Variants in P4HA1 observed in about 807,000 individuals in gnomAD.
The protein encoded by P4HA1 is prolyl 4-hydroxylase subunit alpha 1.
In P4HA1, 24 loss-of-function variants were observed where a neutral mutation model predicts 72.8. The ratio of observed to expected loss-of-function variants is 0.33; its 90% CI spans 0.24 to 0.46. The LOEUF (loss-of-function observed/expected upper bound fraction) is 0.46, where lower values mean the gene tolerates loss of function less well. Ranked by LOEUF, P4HA1 falls within the 20% of genes least tolerant of loss-of-function variation. The pLI, the probability that P4HA1 is intolerant of heterozygous loss-of-function variation, is 1.00. For missense variants in P4HA1, 446 were observed against 640.6 expected (o/e 0.70, Z 3.28); for synonymous variants, 201 against 218.8 (o/e 0.92, Z 0.72).
intron 9 of P4HA1, among the ~76,000 whole-genome samples, chr10:73,030,743 G>A (rs1840415176): frequency 6.6e-6 from 1 of 152,144 alleles, no homozygotes; most frequent in Non-Finnish European, 1.5e-5. Context: ...AACTGACTAT[G>A]GTGGAAGTCA....
intron 9 of P4HA1, chr10:73,044,088 C>A: frequency 2.0e-6 from 1 of 509,888 alleles, no homozygotes; most frequent in Non-Finnish European, 3.6e-6. Context: ...GTAATGGTCT[C>A]GAATCCACAA....
In P4HA1 at chr10:73,053,338, C is replaced by A. The variant is rs771181284; in HGVS notation, c.703+13G>T. 1 of 1,612,638 alleles carries A rather than the reference C, an allele frequency of 6.2e-7. No individual in the cohort carries two copies. Among genetic ancestry groups the A allele is most frequent in the South Asian group, 1.1e-5 (1 of 90,952 alleles). On this transcript the variant is annotated intron_variant, in intron 6 of 14. Transcript: ENST00000394890. ...ATATAACTATAACCTTAAATTAGGC[C>A]CAGATAACATACCTAGTTCAAGAAG...
At chr10:73,031,643 G>C (rs1840436153) in intron 9 of P4HA1, among the ~76,000 whole-genome samples, 1 of 152,062 alleles carries the variant, frequency 6.6e-6, no homozygotes, top group South Asian at 2.1e-4. Flanking sequence ...ATGGGGATGG[G>C]GCTGGGGGGA....
intron 1 of P4HA1, among the ~76,000 whole-genome samples, chr10:73,087,871 C>T (rs930357536): frequency 1.3e-5 from 2 of 152,058 alleles, no homozygotes; most frequent in Non-Finnish European, 2.9e-5. Flanking sequence ...TCTTTTTATT[C>T]TCTCAACAGT....
At position 73,068,836 on chromosome 10, in the gene P4HA1, A is replaced by T; in HGVS notation, c.463+10T>A. Reference sequence around the variant, plus strand: ...GATAGGTATTTTATAGAATGGAAGAATGATCTTACCTGGAAGATTACCCTT... The same window carrying T: ...GATAGGTATTTTATAGAATGGAAGATTGATCTTACCTGGAAGATTACCCTT... On this transcript the variant is annotated intron_variant, in intron 5 of 14. Transcript: ENST00000394890. 1 of 1,608,798 alleles carries T rather than the reference A, an allele frequency of 6.2e-7. No individual in the cohort carries two copies. The highest frequency in any genetic ancestry group is 8.5e-7 in the Non-Finnish European group (1 of 1,175,428).
rs748520833 is a variant in P4HA1 at position 73,068,901 on chromosome 10, A to G, written c.408T>C (p.Arg136=). Residue 136 remains arginine, a synonymous_variant, in exon 5 of 15, where the codon CGT becomes CGC. Transcript: ENST00000394890. ...DQVGAAKALL[R]LQDTYNLDTD... ...TATCCAAATTGTAGGTATCCTGGAG[A>G]CGTAACAGAGCTTTGGCTGCCCCAA... The G allele has an allele frequency of 6.2e-7, 1 of 1,612,124 alleles. No homozygotes were observed.
chr10:73,070,094 G>A (rs144131906), intron 4 of P4HA1, among the ~76,000 whole-genome samples: 4 of 143,456 alleles, frequency 2.8e-5, no homozygotes, highest in African/African-American at 1.0e-4. Flanking sequence ...ACAGGCATGA[G>A]CAACTGTGTC....
chr10:73,064,876 G>A (rs547028900), intron 5 of P4HA1, among the ~76,000 whole-genome samples: 9 of 151,480 alleles, frequency 5.9e-5, no homozygotes, highest in Admixed American at 4.6e-4. Flanking sequence ...TGGTTCATCC[G>A]TTAAACTGAG....
chr10:73,013,938 CATATT>C (rs1363566367), intron 12 of P4HA1, among the ~76,000 whole-genome samples: 11 of 151,988 alleles, frequency 7.2e-5, no homozygotes, highest in Non-Finnish European at 1.5e-4. Flanking sequence ...TTTATATACA[CATATT>C]ATATATTACT....
intron 5 of P4HA1, among the ~76,000 whole-genome samples, chr10:73,058,774 C>CT (rs151028824): frequency 0.018 from 2,283 of 123,760 alleles, 59 homozygotes; most frequent in African/African-American, 0.036. Context: ...TTATAGTATG[C>CT]TTTTTTTTTT....
intron 10 of P4HA1, among the ~76,000 whole-genome samples, chr10:73,025,038 G>T (rs529366959): frequency 6.6e-6 from 1 of 152,286 alleles, no homozygotes; most frequent in East Asian, 1.9e-4. Context: ...ATTCACAGCC[G>T]AATTCTATCA....
intron 5 of P4HA1, among the ~76,000 whole-genome samples, chr10:73,065,851 G>A (rs1158871445): frequency 6.6e-6 from 1 of 151,982 alleles, no homozygotes; most frequent in Non-Finnish European, 1.5e-5. Context: ...ATCCACAGAA[G>A]AATGAATAAA....
chr10:73,070,142 CTTTTTTTT>C (rs71021546), intron 4 of P4HA1, among the ~76,000 whole-genome samples: 8,120 of 65,072 alleles, frequency 0.12, 828 homozygotes, highest in East Asian at 0.42. Flanking sequence ...GAGACCAGGC[CTTTTTTTT>C]TTTTTTTTTT....
At chr10:73,054,466 C>T (rs1210155663) in intron 5 of P4HA1, among the ~76,000 whole-genome samples, 1 of 152,158 alleles carries the variant, frequency 6.6e-6, no homozygotes, top group African/African-American at 2.4e-5. Context: ...CAGTCACTAC[C>T]CATTAACTTC....
chr10:73,080,340 C>G (rs909356177), intron 1 of P4HA1, among the ~76,000 whole-genome samples: 2 of 152,202 alleles, frequency 1.3e-5, no homozygotes, highest in African/African-American at 2.4e-5. Flanking sequence ...ACCTAAAGGT[C>G]TGAAAAGTCG....
Position 73,030,315 on chromosome 10 carries a change from G to T in P4HA1, c.1204C>A (p.Gln402Lys). The change falls in exon 10 of 15, where the codon CAA (glutamine) becomes AAA (lysine). Residue 402 changes from glutamine (Q) to lysine (K), a missense_variant. Physicochemically the swap from Gln to Lys is moderately conservative, Grantham distance 53. Transcript: ENST00000394890. Reference sequence around the variant, plus strand: ...GAAACATCTAGTCCTGTTAGATCTTGTATTCTCATATTAATTCGAGACACC... The same window carrying T: ...GAAACATCTAGTCCTGTTAGATCTTTTATTCTCATATTAATTCGAGACACC... ...PVVSRINMRI[Q>K]DLTGLDVSTA... is the part of the protein sequence containing the mutation. The T allele has an allele frequency of 6.3e-7, 1 of 1,576,354 alleles. No individual in the cohort carries two copies. Among genetic ancestry groups the T allele is most frequent in the Non-Finnish European group, 8.7e-7 (1 of 1,154,612 alleles).
At chr10:73,088,616 T>C (rs1355289906) in intron 1 of P4HA1, among the ~76,000 whole-genome samples, 2 of 152,258 alleles carry the variant, frequency 1.3e-5, no homozygotes, top group Admixed American at 1.3e-4. Context: ...TTATTTCATA[T>C]CCACTGGTGG....
chr10:73,077,770 C>T (rs1429242761), intron 1 of P4HA1, among the ~76,000 whole-genome samples: 2 of 149,624 alleles, frequency 1.3e-5, no homozygotes, highest in African/African-American at 4.9e-5. Flanking sequence ...CACTTGAGCT[C>T]AGGAGTTTGA....
intron 13 of P4HA1, among the ~76,000 whole-genome samples, chr10:73,010,304 G>C (rs2133027492): frequency 6.6e-6 from 1 of 152,146 alleles, no homozygotes; most frequent in Non-Finnish European, 1.5e-5. Context: ...TCCTGCGGAA[G>C]AACTCTATAG....
Sources: gnomAD v4.1 joint callset for allele counts (sites outside exome capture counted in the v4.1 genomes callset) on GRCh38, gnomAD v4.1.1 for gene constraint, MANE v1.5 for transcripts, NCBI Gene and HGNC (gene_info 2026-07-23, HGNC 2026-07-21) for gene names.